MCM9: variants seen among roughly 807,000 people sequenced by gnomAD.
The protein encoded by MCM9 is minichromosome maintenance 9 homologous recombination repair factor, also known as DNA helicase MCM9.
MCM9 carries 55 observed loss-of-function variants against 72.8 expected under a neutral mutation model. That is an observed-to-expected ratio of 0.76 (90% confidence interval 0.61 to 0.95). The LOEUF (loss-of-function observed/expected upper bound fraction) is 0.95. Among genes scored for constraint, MCM9 ranks in the 40% least tolerant of loss-of-function variants. MCM9 has a pLI of 0.00. For missense variants in MCM9, 1,279 were observed against 1,377.0 expected (o/e 0.93, Z 1.13); for synonymous variants, 480 against 503.4 (o/e 0.95, Z 0.62).
intron 8 of MCM9, among the ~76,000 whole-genome samples, chr6:118,910,334 G>A (rs527651285): frequency 9.8e-4 from 149 of 152,144 alleles, no homozygotes; most frequent in South Asian, 8.7e-3. Context: ...GGCCCTTTGG[G>A]TAGACCAGAA....
At chr6:118,840,816 C>A (rs1775315356) in intron 9 of MCM9, among the ~76,000 whole-genome samples, 1 of 144,988 alleles carries the variant, frequency 6.9e-6, no homozygotes, top group Non-Finnish European at 1.5e-5. Context: ...CAGCCCACTG[C>A]AGCTTCCACC....
intron 8 of MCM9, among the ~76,000 whole-genome samples, chr6:118,890,377 A>G (rs1454315364): frequency 1.3e-5 from 2 of 152,244 alleles, no homozygotes; most frequent in African/African-American, 4.8e-5. Context: ...ATGGGATGAT[A>G]TCTTACCCTC....
At chr6:118,873,235 G>C (rs569717369) in intron 8 of MCM9, among the ~76,000 whole-genome samples, 10 of 134,702 alleles carry the variant, frequency 7.4e-5, no homozygotes, top group African/African-American at 2.7e-4. Context: ...GAAGGGGAAA[G>C]GGAAAGGGAA....
chr6:118,892,476 A>G (rs1242752001), intron 8 of MCM9, among the ~76,000 whole-genome samples: 2 of 152,192 alleles, frequency 1.3e-5, no homozygotes, highest in East Asian at 3.8e-4. Context: ...TTTTCATGAG[A>G]CTGACTAGAC....
chr6:118,932,575 T>C (rs958842751), intron 2 of MCM9, 32 bp downstream of exon 2: 1 of 978,878 alleles, frequency 1.0e-6, no homozygotes, highest in African/African-American at 1.8e-5. Flanking sequence ...CACACACTCA[T>C]GTGTATTCTG....
At chr6:118,902,887 ATAGT>A (rs1433594657) in intron 8 of MCM9, among the ~76,000 whole-genome samples, 3 of 152,218 alleles carry the variant, frequency 2.0e-5, no homozygotes, top group Non-Finnish European at 4.4e-5. Flanking sequence ...GCCTCTCTAA[ATAGT>A]TAAACATGTC....
chr6:118,931,812 G>T, intron 2 of MCM9, 74 bp from the exon 3 acceptor site: 1 of 1,147,028 alleles, frequency 8.7e-7, no homozygotes, highest in South Asian at 1.7e-5. Flanking sequence ...AAAACGATTG[G>T]TTATAAATCA....
At chr6:118,844,736 C>A (rs575126143) in intron 9 of MCM9, among the ~76,000 whole-genome samples, 1 of 151,722 alleles carries the variant, frequency 6.6e-6, no homozygotes, top group African/African-American at 2.4e-5. Context: ...CTTTGAAACC[C>A]GCTGAACTCA....
intron 3 of MCM9, among the ~76,000 whole-genome samples, chr6:118,927,871 T>C (rs1782029405): frequency 1.3e-5 from 2 of 152,236 alleles, no homozygotes; most frequent in African/African-American, 2.4e-5. Context: ...CCATTGCTTC[T>C]AGAGTAACCT....
chr6:118,848,087 T>G (rs1775994418), intron 9 of MCM9, among the ~76,000 whole-genome samples: 1 of 151,910 alleles, frequency 6.6e-6, no homozygotes, highest in African/African-American at 2.4e-5. Flanking sequence ...ATGATGATGA[T>G]GCCCTGGCCC....
In MCM9 at chr6:118,904,418, T is replaced by C. The variant is rs146879838; in HGVS notation, c.1150+7232A>G. On this transcript the variant is annotated intron_variant, in intron 8 of 13. Transcript: ENST00000619706. Reference sequence around the variant, plus strand: ...GCTCATCTAGGCCCAGGAATATTCCTTGGTGCCCTGGCAACAGGTAAGCTA... The same window carrying C: ...GCTCATCTAGGCCCAGGAATATTCCCTGGTGCCCTGGCAACAGGTAAGCTA... Among the ~76,000 whole-genome samples, 715 of 152,318 alleles carry C rather than the reference T, an allele frequency of 4.7e-3. 1 individual carries two copies. Among genetic ancestry groups the C allele is most frequent in the Non-Finnish European group, 5.0e-3 (341 of 68,022 alleles).
At chr6:118,894,559 C>G in intron 8 of MCM9, 1 of 1,487,542 alleles carries the variant, frequency 6.7e-7, no homozygotes, top group Non-Finnish European at 9.1e-7. Context: ...CTGTCAGTTG[C>G]GGGCTGCAGA....
chr6:118,895,184 C>T (rs1407410970), intron 8 of MCM9, among the ~76,000 whole-genome samples: 1 of 151,832 alleles, frequency 6.6e-6, no homozygotes, highest in African/African-American at 2.4e-5. Context: ...CGGGCGCAGG[C>T]TCGGCCCCTC....
rs1207586695 is a variant in MCM9 at position 118,931,403 on chromosome 6, A to T, written c.304+17T>A. ...TTCTAGAAGATAGCATGGCAGTAAA[A>T]TCCTTAAGTGATTTACCTGATATCC... On this transcript the variant is annotated intron_variant, in intron 3 of 13. Coordinates refer to ENST00000619706, the MANE Select transcript of MCM9 (RefSeq NM_017696.3). 15 of 1,594,778 alleles carry T rather than the reference A, an allele frequency of 9.4e-6. No homozygotes were observed. Among genetic ancestry groups the T allele is most frequent in the South Asian group, 2.2e-5 (2 of 89,486 alleles).
At chr6:118,884,024 A>C (rs1018082592) in intron 8 of MCM9, among the ~76,000 whole-genome samples, 10 of 152,242 alleles carry the variant, frequency 6.6e-5, no homozygotes, top group Non-Finnish European at 1.5e-4. Flanking sequence ...AACATATAGA[A>C]ATGCAATATA....
Position 118,911,291 on chromosome 6 carries a change from C to A in MCM9, c.1150+359G>T, listed in dbSNP as rs992228592. Reference sequence around the variant, plus strand: ...GCATGAAAATGCCTTAAGCTCTATACCATCTATCTACTTGGTAAAGTGAAA... The same window carrying A: ...GCATGAAAATGCCTTAAGCTCTATAACATCTATCTACTTGGTAAAGTGAAA... On this transcript the variant is annotated intron_variant, in intron 8 of 13. Coordinates refer to ENST00000619706, the MANE Select transcript of MCM9 (RefSeq NM_017696.3). 3.0e-6 allele frequency: 3 copies of A among 1,006,376 alleles called. No individual in the cohort carries two copies. In the African/African-American group the frequency reaches 5.2e-5, roughly 17 times the overall value. The allele number at this position is 1,006,376 out of a possible 1,614,324, so 62.3% of individuals were successfully genotyped here.
chr6:118,924,154 T>A, intron 3 of MCM9, 27 bp from the exon 4 acceptor site: 2 of 1,587,598 alleles, frequency 1.3e-6, no homozygotes, highest in Non-Finnish European at 1.7e-6. Context: ...AAAAACAGCA[T>A]CAACTTCAAT....
intron 9 of MCM9, among the ~76,000 whole-genome samples, chr6:118,848,999 C>T (rs1408878910): frequency 6.6e-6 from 1 of 151,522 alleles, no homozygotes; most frequent in Admixed American, 6.6e-5. Flanking sequence ...CCGTTGACAC[C>T]AAGCATATTG....
intron 8 of MCM9, chr6:118,894,590 G>A: frequency 7.4e-7 from 1 of 1,352,562 alleles, no homozygotes; most frequent in East Asian, 2.5e-5. Context: ...TTCCCGGGCC[G>A]GGCCTCGCGC....
Sources: allele counts gnomAD v4.1 joint callset (sites outside exome capture counted in the v4.1 genomes callset), GRCh38; gene constraint gnomAD v4.1.1; transcripts MANE v1.5; gene names NCBI Gene and HGNC (gene_info 2026-07-23, HGNC 2026-07-21).